The following TAS2R1 variants were observed in gnomAD, a reference collection of about 807,000 sequenced individuals.
TAS2R1 encodes the protein taste receptor type 2 member 1.
For synonymous variants in TAS2R1, 141 were observed against 134.2 expected, an observed-to-expected ratio of 1.05 and a Z score of -0.35; for missense variants, 370 against 353.4, an observed-to-expected ratio of 1.05 and a Z score of -0.38.
At chr5:9,751,065 A>T in the TAS2R1 span, among the ~76,000 whole-genome samples, 2 of 151,528 alleles carry the variant, frequency 1.3e-5, no homozygotes, top group Non-Finnish European at 2.9e-5. Context: ...TGGAGTCAGG[A>T]GCTGGATGTC....
At chr5:9,637,135 C>A (rs189899842) in intron 2 of TAS2R1, among the ~76,000 whole-genome samples, 1 of 152,246 alleles carries the variant, frequency 6.6e-6, no homozygotes, top group African/African-American at 2.4e-5. Flanking sequence ...GTGGCAAATT[C>A]TCTTAGCATT....
intron 2 of TAS2R1, among the ~76,000 whole-genome samples, chr5:9,650,801 C>T (rs1740289527): frequency 6.6e-6 from 1 of 152,124 alleles, no homozygotes; most frequent in African/African-American, 2.4e-5. Flanking sequence ...TTTTCTGTCC[C>T]TCTTCCTAGA....
chr5:9,671,015 A>C (rs1485109874), intron 1 of TAS2R1, among the ~76,000 whole-genome samples: 1 of 152,230 alleles, frequency 6.6e-6, no homozygotes, highest in Non-Finnish European at 1.5e-5. Flanking sequence ...GTGATTCACC[A>C]CATAAACAGA....
the TAS2R1 span, among the ~76,000 whole-genome samples, chr5:9,821,927 G>A: frequency 1.3e-5 from 2 of 152,176 alleles, no homozygotes; most frequent in Non-Finnish European, 2.9e-5. Flanking sequence ...AGACCTGAAA[G>A]TCTAGCAGCC....
the TAS2R1 span, among the ~76,000 whole-genome samples, chr5:9,870,531 C>T: frequency 6.6e-6 from 1 of 152,170 alleles, no homozygotes; most frequent in Non-Finnish European, 1.5e-5. Context: ...TCCAATAAGA[C>T]TTTATTGAAC....
chr5:9,673,521 T>C (rs1015157635), intron 1 of TAS2R1, among the ~76,000 whole-genome samples: 12 of 152,084 alleles, frequency 7.9e-5, no homozygotes, highest in Admixed American at 6.5e-4. Flanking sequence ...CTTTAAACCC[T>C]ACTCACTATT....
chr5:9,833,182 G>A, the TAS2R1 span, among the ~76,000 whole-genome samples: 3 of 152,176 alleles, frequency 2.0e-5, no homozygotes, highest in Non-Finnish European at 2.9e-5. Flanking sequence ...TGTCTCAGGC[G>A]AGCCTCAGAG....
chr5:9,635,862 TTTTG>T (rs1739954416), intron 2 of TAS2R1, among the ~76,000 whole-genome samples: 1 of 152,158 alleles, frequency 6.6e-6, no homozygotes, highest in Non-Finnish European at 1.5e-5. Context: ...GGTCTATCAA[TTTTG>T]TTTATCCTTT....
chr5:9,879,884 GT>G, the TAS2R1 span, among the ~76,000 whole-genome samples: 1 of 152,138 alleles, frequency 6.6e-6, no homozygotes, highest in African/African-American at 2.4e-5. Context: ...TAGAGGCTGG[GT>G]TGGCAGTGGG....
chr5:9,843,242 T>G, the TAS2R1 span, among the ~76,000 whole-genome samples: 24 of 152,220 alleles, frequency 1.6e-4, no homozygotes, highest in African/African-American at 5.8e-4. Context: ...TTCCATGTCT[T>G]TAATCTGACT....
At chr5:9,725,074 T>A in the TAS2R1 span, among the ~76,000 whole-genome samples, 1 of 152,118 alleles carries the variant, frequency 6.6e-6, no homozygotes. Context: ...AGTGTACAGG[T>A]GATGAGGGGG....
At chr5:9,779,221 T>C in the TAS2R1 span, among the ~76,000 whole-genome samples, 1 of 152,218 alleles carries the variant, frequency 6.6e-6, no homozygotes, top group African/African-American at 2.4e-5. Flanking sequence ...TTGCTCCATC[T>C]CTTGTCATGT....
At chr5:9,648,680 T>C (rs1740245362) in intron 2 of TAS2R1, among the ~76,000 whole-genome samples, 1 of 151,820 alleles carries the variant, frequency 6.6e-6, no homozygotes, top group African/African-American at 2.4e-5. Flanking sequence ...ATCTCCATCA[T>C]TTTTTTCGGG....
At chr5:9,886,331 A>ATTTT in the TAS2R1 span, among the ~76,000 whole-genome samples, 33 of 98,100 alleles carry the variant, frequency 3.4e-4, 1 homozygote, top group East Asian at 9.2e-4. Flanking sequence ...TGCGCCCAGC[A>ATTTT]TTTTTTTTTT....
the TAS2R1 span, among the ~76,000 whole-genome samples, chr5:9,896,536 C>T: frequency 6.6e-6 from 1 of 152,112 alleles, no homozygotes; most frequent in African/African-American, 2.4e-5. Context: ...CCCAAACCGC[C>T]GACCCAAATT....
chr5:9,732,852 G>C, the TAS2R1 span, among the ~76,000 whole-genome samples: 1 of 152,182 alleles, frequency 6.6e-6, no homozygotes, highest in Non-Finnish European at 1.5e-5. Context: ...GATATTTGCA[G>C]GGCAGCCCAC....
At chr5:9,684,062 G>A (rs1000178663) in intron 1 of TAS2R1, among the ~76,000 whole-genome samples, 3 of 152,114 alleles carry the variant, frequency 2.0e-5, no homozygotes, top group Non-Finnish European at 4.4e-5. Flanking sequence ...ATTTCCAAAG[G>A]CCATGAAATC....
At chr5:9,695,014 G>A (rs1275312164) in intron 1 of TAS2R1, among the ~76,000 whole-genome samples, 3 of 152,162 alleles carry the variant, frequency 2.0e-5, no homozygotes, top group Non-Finnish European at 4.4e-5. Context: ...TTAACCACCT[G>A]GGTCAAATCC....
At chr5:9,752,189 T>C in the TAS2R1 span, among the ~76,000 whole-genome samples, 1 of 152,198 alleles carries the variant, frequency 6.6e-6, no homozygotes. Flanking sequence ...TTTCAAAGTG[T>C]ATTTAGGGTG....
Sources: gnomAD v4.1 joint callset for allele counts (sites outside exome capture counted in the v4.1 genomes callset) on GRCh38, gnomAD v4.1.1 for gene constraint, MANE v1.5 for transcripts, NCBI Gene and HGNC (gene_info 2026-07-23, HGNC 2026-07-21) for gene names.